UGT1A3: variants seen among roughly 807,000 people sequenced by gnomAD.
UGT1A3 encodes the protein UDP glucuronosyltransferase family 1 member A3.
A neutral mutation model predicts 41.0 loss-of-function variants in UGT1A3; 31 were observed. The ratio of observed to expected loss-of-function variants is 0.76; its 90% confidence interval spans 0.57 to 1.02. The LOEUF (loss-of-function observed/expected upper bound fraction) is 1.02, where lower values mean the gene tolerates loss of function less well. UGT1A3 is among the 50% of genes least tolerant of loss of function. The pLI is 0.00. For missense variants in UGT1A3, 737 were observed against 671.0 expected (o/e 1.10, Z -1.09); for synonymous variants, 262 against 257.6 (o/e 1.02, Z -0.17).
chr2:233,755,013 G>C, intron 1 of UGT1A3: 1 of 1,294,530 alleles, frequency 7.7e-7, no homozygotes, highest in Non-Finnish European at 1.0e-6. Context: ...CTACTCGAAG[G>C]GGTCCTTGAA....
rs1188318703 is a variant in UGT1A3 at position 233,729,651 on chromosome 2, C to T, written c.525C>T (p.Asn175=). The T allele has an allele frequency of 3.1e-6, 5 of 1,613,894 alleles. No homozygotes were observed. Among genetic ancestry groups the T allele is most frequent in the African/African-American group, 2.7e-5 (2 of 75,006 alleles). ...LSIPTVFFLR[N]IPCDLDFKGT... ...TTCCTACTGTGTTTTTTTTGAGGAA[C>T]ATTCCATGTGATTTAGACTTTAAGG... The change falls in exon 1 of 5, where the codon AAC becomes AAT. Residue 175 remains asparagine (N), a synonymous_variant. Coordinates refer to ENST00000482026, the MANE Select transcript of UGT1A3 (RefSeq NM_019093.4).
chr2:233,747,590 G>A, intron 1 of UGT1A3: 3 of 1,576,970 alleles, frequency 1.9e-6, no homozygotes, highest in Non-Finnish European at 2.6e-6. Context: ...TCTTTCATAG[G>A]TCTTGTGTGG....
chr2:233,754,591 G>T (rs1279768336), intron 1 of UGT1A3: 4 of 429,060 alleles, frequency 9.3e-6, no homozygotes, highest in South Asian at 6.6e-5. Context: ...TATTATGAAG[G>T]ACTTTAACTC....
intron 1 of UGT1A3, among the ~76,000 whole-genome samples, chr2:233,745,325 C>G (rs901195420): frequency 6.6e-6 from 1 of 151,822 alleles, no homozygotes; most frequent in African/African-American, 2.4e-5. Context: ...ACTAGAACTG[C>G]TATATCATGA....
In UGT1A3 at chr2:233,743,703, C is replaced by T. The variant is rs200396442; in HGVS notation, c.867+13710C>T. 2.1e-4 allele frequency: 292 copies of T among 1,367,370 alleles called. 6 individuals are homozygous for T. Among genetic ancestry groups the T allele is most frequent in the African/African-American group, 1.2e-3 (81 of 67,578 alleles). 84.7% of individuals were successfully genotyped at this position (1,367,370 alleles called of 1,614,324 possible). On this transcript the variant is annotated intron_variant, in intron 1 of 4. Coordinates refer to ENST00000482026, the MANE Select transcript of UGT1A3 (RefSeq NM_019093.4). ...CCGCCTGTGCAGCCGCCCTCCGCCCCCGCCTCGCCATAGCGGTCATAGATA... is the reference window on the plus strand; with the variant it reads ...CCGCCTGTGCAGCCGCCCTCCGCCCTCGCCTCGCCATAGCGGTCATAGATA...
At chr2:233,738,083 T>G (rs1690690537) in intron 1 of UGT1A3, among the ~76,000 whole-genome samples, 1 of 152,170 alleles carries the variant, frequency 6.6e-6, no homozygotes, top group Admixed American at 6.5e-5. Context: ...CCTAATCTCA[T>G]CATAGTGAGT....
intron 1 of UGT1A3, among the ~76,000 whole-genome samples, chr2:233,751,182 A>C (rs1481520525): frequency 1.3e-5 from 2 of 151,938 alleles, no homozygotes; most frequent in African/African-American, 4.9e-5. Flanking sequence ...ATGAGACATG[A>C]AGTTAAAGGT....
Position 233,767,047 on chromosome 2 carries a change from A to G in UGT1A3, c.881A>G (p.Tyr294Cys). Residue 294 changes from tyrosine to cysteine, a missense_variant, in exon 2 of 5, where the codon TAC (tyrosine) becomes TGC (cysteine). Physicochemically the swap from Tyr to Cys is radical, Grantham distance 194. Coordinates refer to ENST00000482026, the MANE Select transcript of UGT1A3 (RefSeq NM_019093.4). The stretch of plus-strand genomic sequence containing the variant: ...TTCTGGCTCTAGGAATTTGAAGCCT[A>G]CATTAATGCTTCTGGAGAACATGGA... Reference protein sequence around the residue: ...RKPLSQEFEAYINASGEHGIV... With the variant: ...RKPLSQEFEACINASGEHGIV... The G allele has an allele frequency of 6.2e-7, 1 of 1,614,154 alleles. No homozygotes were observed. The highest frequency in any genetic ancestry group is 8.5e-7 in the Non-Finnish European group (1 of 1,180,014).
intron 1 of UGT1A3, among the ~76,000 whole-genome samples, chr2:233,748,871 G>A (rs1439013136): frequency 2.0e-5 from 3 of 151,510 alleles, no homozygotes; most frequent in Admixed American, 6.6e-5. Flanking sequence ...AGCTGGGGAC[G>A]GTGATGAATG....
rs200127379 is a variant in UGT1A3, at chr2:233,729,681, A to C, written c.555A>C (p.Thr185=). 1 of 1,613,946 alleles carries C rather than the reference A, an allele frequency of 6.2e-7. No homozygotes were observed. ...CATGTGATTTAGACTTTAAGGGCACACAGTGTCCAAACCCTTCCTCCTATA... is the reference window on the plus strand; with the variant it reads ...CATGTGATTTAGACTTTAAGGGCACCCAGTGTCCAAACCCTTCCTCCTATA... ...NIPCDLDFKG[T]QCPNPSSYIP... Residue 185 remains threonine, a synonymous_variant, in exon 1 of 5, where the codon ACA becomes ACC. Coordinates refer to ENST00000482026, the MANE Select transcript of UGT1A3 (RefSeq NM_019093.4).
At chr2:233,745,788 G>A (rs1003270220) in intron 1 of UGT1A3, among the ~76,000 whole-genome samples, 1 of 150,764 alleles carries the variant, frequency 6.6e-6, no homozygotes, top group Non-Finnish European at 1.5e-5. Flanking sequence ...AGACAGGGGG[G>A]CTGGGGTCTA....
At chr2:233,760,220 G>A (rs1697349973) in intron 1 of UGT1A3, 6 of 1,593,686 alleles carry the variant, frequency 3.8e-6, no homozygotes, top group African/African-American at 1.4e-5. Flanking sequence ...TTGGTGTATC[G>A]ATTGGTTTTT....
Position 233,772,617 on chromosome 2 carries a change from GA to G in UGT1A3, c.*62del. 1 of 1,572,898 alleles carries G rather than the reference GA, an allele frequency of 6.4e-7. No homozygotes were observed. Among genetic ancestry groups the G allele is most frequent in the Non-Finnish European group, 8.6e-7 (1 of 1,158,346 alleles). On this transcript the variant is annotated 3_prime_UTR_variant, in exon 5 of 5. Coordinates refer to ENST00000482026, the MANE Select transcript of UGT1A3 (RefSeq NM_019093.4). The stretch of plus-strand genomic sequence containing the variant: ...CCATTCCCTAGTCATTTCCAAACTT[GA>G]AAACAGAATCAGTGTTAAATTCATT...
intron 1 of UGT1A3, among the ~76,000 whole-genome samples, chr2:233,731,421 G>A (rs1039281599): frequency 6.6e-6 from 1 of 151,738 alleles, no homozygotes; most frequent in Non-Finnish European, 1.5e-5. Flanking sequence ...TTTTCCTAAT[G>A]CCATCCCTCC....
intron 1 of UGT1A3, among the ~76,000 whole-genome samples, chr2:233,739,654 C>A (rs1048629610): frequency 2.0e-5 from 3 of 152,310 alleles, no homozygotes; most frequent in East Asian, 1.9e-4. Context: ...AATTTCTGTA[C>A]CCCCATTGTG....
chr2:233,748,170 T>G (rs1693885093), intron 1 of UGT1A3: 10 of 1,590,430 alleles, frequency 6.3e-6, no homozygotes, highest in Non-Finnish European at 8.6e-6. Flanking sequence ...TATCTACTTA[T>G]CTTTCTGGTG....
chr2:233,747,354 G>T (rs753872482), intron 1 of UGT1A3: 336 of 1,602,388 alleles, frequency 2.1e-4, no homozygotes, highest in Admixed American at 4.5e-4. Context: ...GCGGGAGGCC[G>T]TGCGGGAGCT....
chr2:233,746,871 T>C (rs1693501074), intron 1 of UGT1A3, among the ~76,000 whole-genome samples: 1 of 151,612 alleles, frequency 6.6e-6, no homozygotes, highest in Admixed American at 6.5e-5. Flanking sequence ...CTGATAAACG[T>C]GGTTAACAGA....
At position 233,730,729 on chromosome 2, in the gene UGT1A3, C is replaced by T. The variant is rs45468195; in HGVS notation, c.867+736C>T. ...GAATGCTGAAATTATCAAGAAATGG[C>T]GGAAGGGGCTAGGGAGGAGATAAGA... On this transcript the variant is annotated intron_variant, in intron 1 of 4. Transcript: ENST00000482026. Among the ~76,000 whole-genome samples the T allele has an allele frequency of 9.2e-3, 1,399 of 152,090 alleles. 32 individuals carry two copies. The highest frequency in any genetic ancestry group is 0.032 in the African/African-American group (1,309 of 41,466).
Sources: allele counts gnomAD v4.1 joint callset (sites outside exome capture counted in the v4.1 genomes callset), GRCh38; gene constraint gnomAD v4.1.1; transcripts MANE v1.5; gene names NCBI Gene and HGNC (gene_info 2026-07-23, HGNC 2026-07-21).